The following PTPRD variants were observed in gnomAD, a reference collection of about 807,000 sequenced individuals.
PTPRD encodes receptor-type tyrosine-protein phosphatase delta.
In PTPRD, 34 loss-of-function variants were observed where a neutral mutation model predicts 214.5. The observed-to-expected ratio is 0.16, with a 90% CI of 0.12 to 0.21. The LOEUF (loss-of-function observed/expected upper bound fraction) is 0.21. Among genes scored for constraint, PTPRD ranks in the 10% least tolerant of loss-of-function variants. The pLI is 1.00. For synonymous variants in PTPRD, 1,128 were observed against 845.7 expected, an observed-to-expected ratio of 1.33 and a Z score of -5.79; for missense variants, 2,545 against 2,398.7, an observed-to-expected ratio of 1.06 and a Z score of -1.27.
intron 7 of PTPRD, among the ~76,000 whole-genome samples, chr9:9,647,731 G>A (rs984462528): frequency 2.6e-5 from 4 of 152,168 alleles, no homozygotes; most frequent in African/African-American, 9.7e-5. Context: ...TGTGACAGCA[G>A]ACCTTTTTGT....
At chr9:8,798,298 A>G (rs1248106378) in intron 11 of PTPRD, among the ~76,000 whole-genome samples, 1 of 152,084 alleles carries the variant, frequency 6.6e-6, no homozygotes, top group Admixed American at 6.6e-5. Flanking sequence ...TTCTCCAGCA[A>G]CTCTTTAAGA....
At chr9:8,597,763 G>C (rs2094552750) in intron 14 of PTPRD, among the ~76,000 whole-genome samples, 3 of 152,014 alleles carry the variant, frequency 2.0e-5, no homozygotes, top group Non-Finnish European at 4.4e-5. Context: ...TACTTATGTG[G>C]CTTGGCATTC....
In PTPRD at chr9:10,589,538, GAA is replaced by G. The variant is rs1445961345; in HGVS notation, c.-600+22858_-600+22859del. Among the ~76,000 whole-genome samples the G allele has an allele frequency of 2.0e-5, 3 of 151,974 alleles. No individual in the cohort carries two copies. The East Asian group carries it at 5.8e-4, about 29-fold the overall frequency. Reference sequence around the variant, plus strand: ...AGCCACCCTCTAGTAAAGTATAAAAGAAAAAGTAAAGGGGGAGAGACAGACAG... The same window carrying G: ...AGCCACCCTCTAGTAAAGTATAAAAGAAAGTAAAGGGGGAGAGACAGACAG... On this transcript the variant is annotated intron_variant, in intron 2 of 45. Transcript: ENST00000381196.
chr9:9,236,919 T>C (rs2099967139), intron 9 of PTPRD, among the ~76,000 whole-genome samples: 1 of 152,152 alleles, frequency 6.6e-6, no homozygotes, highest in Non-Finnish European at 1.5e-5. Flanking sequence ...GCTCTGGATC[T>C]TGAAAAGGCT....
chr9:8,483,566 C>A (rs960979994), intron 30 of PTPRD, among the ~76,000 whole-genome samples: 1 of 152,126 alleles, frequency 6.6e-6, no homozygotes, highest in African/African-American at 2.4e-5. Flanking sequence ...TCCAGGCTAA[C>A]ACGGTGAAAC....
chr9:8,676,195 C>T (rs2097410755), intron 12 of PTPRD, among the ~76,000 whole-genome samples: 1 of 152,128 alleles, frequency 6.6e-6, no homozygotes, highest in African/African-American at 2.4e-5. Flanking sequence ...TTCTAGACCT[C>T]CTTTAAGCAT....
intron 7 of PTPRD, among the ~76,000 whole-genome samples, chr9:9,628,173 A>G (rs1169305930): frequency 1.3e-5 from 2 of 152,064 alleles, no homozygotes; most frequent in Admixed American, 6.5e-5. Flanking sequence ...AGCTGACACT[A>G]TTTCTTAATT....
intron 9 of PTPRD, among the ~76,000 whole-genome samples, chr9:9,332,920 C>T (rs1002860079): frequency 3.3e-5 from 5 of 152,072 alleles, no homozygotes; most frequent in South Asian, 2.1e-4. Flanking sequence ...AGAACTCTTA[C>T]GCTGTGTTAT....
chr9:8,480,551 T>A (rs1439402528), intron 30 of PTPRD, among the ~76,000 whole-genome samples: 1 of 152,170 alleles, frequency 6.6e-6, no homozygotes, highest in East Asian at 1.9e-4. Flanking sequence ...ACGTTGACTA[T>A]TAGGGTATGT....
At chr9:10,138,314 C>G (rs1400792217) in intron 3 of PTPRD, among the ~76,000 whole-genome samples, 1 of 151,972 alleles carries the variant, frequency 6.6e-6, no homozygotes, top group Non-Finnish European at 1.5e-5. Context: ...CCTAGAAACA[C>G]ACAACCTCCC....
At position 8,697,163 on chromosome 9, in the gene PTPRD, T is replaced by G. The variant is rs188899290; in HGVS notation, c.64+36617A>C. On this transcript the variant is annotated intron_variant, in intron 12 of 45. Coordinates refer to ENST00000381196, the MANE Select transcript of PTPRD (RefSeq NM_002839.4). ...TGGAACTAGGGTCAAAATTAAGTAGTTGATTGGAAATAAAAGAATAAATCT... is the reference window on the plus strand; with the variant it reads ...TGGAACTAGGGTCAAAATTAAGTAGGTGATTGGAAATAAAAGAATAAATCT... 1.3e-4 allele frequency among the ~76,000 whole-genome samples: 20 copies of G among 152,136 alleles called. 1 individual carries two copies. The highest frequency in any genetic ancestry group is 4.3e-4 in the African/African-American group (18 of 41,518).
At chr9:10,080,215 T>C (rs2098212754) in intron 3 of PTPRD, among the ~76,000 whole-genome samples, 1 of 152,126 alleles carries the variant, frequency 6.6e-6, no homozygotes, top group African/African-American at 2.4e-5. Context: ...ATCACCATTA[T>C]AGCTGGTAGC....
At chr9:8,368,010 G>A (rs1288514811) in intron 39 of PTPRD, among the ~76,000 whole-genome samples, 1 of 152,156 alleles carries the variant, frequency 6.6e-6, no homozygotes, top group Admixed American at 6.5e-5. Context: ...TTTGAACTCT[G>A]TTTGTTAGAA....
chr9:8,930,020 T>C (rs987723848), intron 11 of PTPRD, among the ~76,000 whole-genome samples: 38 of 151,868 alleles, frequency 2.5e-4, no homozygotes, highest in African/African-American at 8.9e-4. Flanking sequence ...TGCAGGTTTG[T>C]TACATATGTA....
At chr9:10,562,860 A>G (rs1482626973) in intron 2 of PTPRD, among the ~76,000 whole-genome samples, 1 of 152,162 alleles carries the variant, frequency 6.6e-6, no homozygotes, top group Non-Finnish European at 1.5e-5. Flanking sequence ...TACTTGATTT[A>G]TATCATGCTT....
At position 9,326,784 on chromosome 9, in the gene PTPRD, G is replaced by A. The variant is rs1034421396; in HGVS notation, c.-203+70665C>T. 1.8e-4 allele frequency among the ~76,000 whole-genome samples: 27 copies of A among 151,886 alleles called. 1 individual carries two copies. The highest frequency in any genetic ancestry group is 6.5e-4 in the African/African-American group (27 of 41,366). On this transcript the variant is annotated intron_variant, in intron 9 of 45. Transcript: ENST00000381196. The stretch of plus-strand genomic sequence containing the variant: ...CCCACAAGATAGAGGGGAAAAAAAA[G>A]GTATTTTTTCATGATTTACTAGAAG...
chr9:9,655,095 T>C (rs556348180), intron 7 of PTPRD, among the ~76,000 whole-genome samples: 1 of 152,064 alleles, frequency 6.6e-6, no homozygotes, highest in South Asian at 2.1e-4. Context: ...TCTAAACCTA[T>C]TTTTTTAATA....
At chr9:9,432,364 A>G (rs11794495) in intron 8 of PTPRD, among the ~76,000 whole-genome samples, 9,894 of 152,214 alleles carry the variant, frequency 0.065, 353 homozygotes, top group Middle Eastern at 0.17. Flanking sequence ...TGTACTTTGC[A>G]TGCTTAGTTA....
At chr9:9,639,719 G>A (rs16929964) in intron 7 of PTPRD, among the ~76,000 whole-genome samples, 2,693 of 152,152 alleles carry the variant, frequency 0.018, 81 homozygotes, top group African/African-American at 0.062. Flanking sequence ...TTGATACACA[G>A]GCATATTTAC....
Sources: gnomAD v4.1 joint callset for allele counts (sites outside exome capture counted in the v4.1 genomes callset) on GRCh38, gnomAD v4.1.1 for gene constraint, MANE v1.5 for transcripts, NCBI Gene and HGNC (gene_info 2026-07-23, HGNC 2026-07-21) for gene names.